OPHN1: variants seen among roughly 807,000 people sequenced by gnomAD.
The protein encoded by OPHN1 is oligophrenin-1.
A neutral mutation model predicts 60.7 loss-of-function variants in OPHN1; 11 were observed. The observed-to-expected ratio is 0.18, with a 90% CI of 0.11 to 0.30. The LOEUF is 0.30. Ranked by LOEUF, OPHN1 falls within the 10% of genes least tolerant of loss-of-function variation. The pLI is 1.00. For synonymous variants in OPHN1, 226 were observed against 222.6 expected, an observed-to-expected ratio of 1.02 and a Z score of -0.14; for missense variants, 449 against 611.0, an observed-to-expected ratio of 0.73 and a Z score of 2.80.
intron 3 of OPHN1, among the ~76,000 whole-genome samples, chrX:68,288,674 G>A (rs184104070): frequency 2.4e-3 from 268 of 111,224 alleles, no homozygotes; most frequent in Middle Eastern, 9.2e-3. Context: ...TGAGGCAGGA[G>A]AATTGCTTGA....
chrX:68,165,946 C>T (rs2077356261), intron 15 of OPHN1, among the ~76,000 whole-genome samples: 1 of 112,066 alleles, frequency 8.9e-6, no homozygotes, highest in South Asian at 3.7e-4. Flanking sequence ...AAGCAATTCA[C>T]TGGAGAAGGG....
At chrX:68,324,355 C>A (rs1021601127) in intron 2 of OPHN1, among the ~76,000 whole-genome samples, 2 of 109,186 alleles carry the variant, frequency 1.8e-5, no homozygotes, top group Non-Finnish European at 3.8e-5. Flanking sequence ...TTAATCCCAG[C>A]AACTTGGGAG....
At chrX:68,410,110 T>C (rs2078762262) in intron 2 of OPHN1, among the ~76,000 whole-genome samples, 2 of 111,927 alleles carry the variant, frequency 1.8e-5, no homozygotes, top group African/African-American at 6.5e-5. Context: ...ACTTTAAAAT[T>C]ATTTATCAAG....
At chrX:68,131,190 TTTTATTTA>T (rs60984024) in intron 15 of OPHN1, among the ~76,000 whole-genome samples, 123 of 98,483 alleles carry the variant, frequency 1.2e-3, no homozygotes, top group African/African-American at 1.9e-3. Flanking sequence ...CAAAGAACAC[TTTTATTTA>T]TTTATTTATT....
At chrX:68,388,967 T>G (rs2078638588) in intron 2 of OPHN1, among the ~76,000 whole-genome samples, 1 of 109,689 alleles carries the variant, frequency 9.1e-6, no homozygotes, top group Admixed American at 9.8e-5. Context: ...AACATTTTTT[T>G]TTTTTTTGAG....
Position 68,211,997 on chromosome X carries a change from T to C in OPHN1, c.702+111A>G, listed in dbSNP as rs990098853. On this transcript the variant is annotated intron_variant, in intron 8 of 24. Coordinates refer to ENST00000355520, the MANE Select transcript of OPHN1 (RefSeq NM_002547.3). ...ATTTGTGATCCACACCAGTATATTC[T>C]AACAAATTGGCTAGGATGCAGTAAC... 6.6e-5 allele frequency: 36 copies of C among 545,320 alleles called. No homozygotes were observed. The South Asian group carries it at 8.9e-4, about 14-fold the overall frequency. 44.9% of individuals were successfully genotyped at this position (545,320 alleles called of 1,213,427 possible). A position where few individuals can be genotyped will look rare whatever the true frequency, so the allele number is the denominator to read the frequency against.
At chrX:68,204,412 T>C (rs1434023041) in intron 10 of OPHN1, among the ~76,000 whole-genome samples, 1 of 111,758 alleles carries the variant, frequency 8.9e-6, no homozygotes, top group Non-Finnish European at 1.9e-5. Context: ...TGACTTCACA[T>C]AGCTGCTAGG....
chrX:68,222,984 C>T, intron 6 of OPHN1, among the ~76,000 whole-genome samples: 1 of 109,581 alleles, frequency 9.1e-6, no homozygotes, highest in Admixed American at 9.7e-5. Flanking sequence ...AAATTAAAAC[C>T]ACAATGAGAT....
intron 2 of OPHN1, among the ~76,000 whole-genome samples, chrX:68,312,296 A>G (rs1038429558): frequency 1.3e-5 from 1 of 77,839 alleles, no homozygotes; most frequent in Admixed American, 1.9e-4. Flanking sequence ...GGTTCCCACT[A>G]TGTTGCCCAG....
intron 5 of OPHN1, among the ~76,000 whole-genome samples, chrX:68,263,461 C>T (rs2077904824): frequency 8.9e-6 from 1 of 111,808 alleles, no homozygotes; most frequent in Non-Finnish European, 1.9e-5. Flanking sequence ...TCATGGAGCA[C>T]TTTCTATCCT....
At chrX:68,085,709 T>C (rs770373687) in intron 19 of OPHN1, among the ~76,000 whole-genome samples, 2 of 112,030 alleles carry the variant, frequency 1.8e-5, no homozygotes, top group South Asian at 3.8e-4. Context: ...CTTAACTCAC[T>C]GTTGGCAGTC....
intron 21 of OPHN1, among the ~76,000 whole-genome samples, chrX:68,062,737 A>G (rs2076897708): frequency 8.9e-6 from 1 of 112,492 alleles, no homozygotes; most frequent in African/African-American, 3.2e-5. Flanking sequence ...TTAAAGCTAC[A>G]AAGTAAAAGA....
intron 2 of OPHN1, among the ~76,000 whole-genome samples, chrX:68,367,302 C>T (rs1442878725): frequency 9.6e-6 from 1 of 104,406 alleles, no homozygotes; most frequent in Non-Finnish European, 1.9e-5. Flanking sequence ...TGCAGTGAAC[C>T]GAGATAGCAC....
Position 68,185,016 on chromosome X carries a change from C to A in OPHN1, c.1276+7903G>T, listed in dbSNP as rs1281944623. 1.2e-4 allele frequency among the ~76,000 whole-genome samples: 13 copies of A among 112,563 alleles called. No individual in the cohort carries two copies. The South Asian group carries it at 4.8e-3, about 41-fold the overall frequency. On this transcript the variant is annotated intron_variant, in intron 15 of 24. Transcript: ENST00000355520. ...ACAGAGAAAAGAAGCTACAATTTCC[C>A]TTTGCCCATTATCATCTACACAGTT...
intron 6 of OPHN1, among the ~76,000 whole-genome samples, chrX:68,217,096 C>A (rs757481240): frequency 5.7e-4 from 64 of 111,838 alleles, no homozygotes; most frequent in African/African-American, 1.9e-3. Context: ...CGAAGCAGGG[C>A]GAGACATTGC....
intron 15 of OPHN1, among the ~76,000 whole-genome samples, chrX:68,158,910 A>G (rs1306832701): frequency 4.5e-5 from 5 of 111,863 alleles, no homozygotes; most frequent in Non-Finnish European, 9.4e-5. Flanking sequence ...CTAGGCCCCA[A>G]TCAGCCCTGC....
chrX:68,195,306 A>C (rs1014195681), intron 12 of OPHN1, among the ~76,000 whole-genome samples: 1 of 111,936 alleles, frequency 8.9e-6, no homozygotes, highest in African/African-American at 3.3e-5. Flanking sequence ...TGGTTGATGA[A>C]TACTTCTCTG....
In OPHN1 at chrX:68,064,107, G is replaced by T. The variant is rs1310743410; in HGVS notation, c.1905C>A (p.His635Gln). The change falls in exon 21 of 25, where the codon CAC becomes CAA. Residue 635 changes from histidine (H) to glutamine (Q), a missense_variant. This residue lies in a region of OPHN1 where 184 missense variants were observed against 160.5 expected (regional missense o/e 1.15). Transcript: ENST00000355520. ...SSIEPPKPPQ[H>Q]PKLPIQRSGE... ...CACTCCTCTGAATAGGTAGTTTGGG[G>T]TGTTGTGGTGGCTTGGGGGGTTCTA... The T allele has an allele frequency of 1.7e-6, 2 of 1,210,622 alleles. No homozygotes were observed. The highest frequency in any genetic ancestry group is 2.2e-6 in the Non-Finnish European group (2 of 894,955).
chrX:68,387,352 T>C (rs1054320436), intron 2 of OPHN1, among the ~76,000 whole-genome samples: 8 of 110,781 alleles, frequency 7.2e-5, no homozygotes, highest in Admixed American at 3.9e-4. Flanking sequence ...CACCATTCTC[T>C]TACTCAGATT....
Sources: allele counts gnomAD v4.1 joint callset (sites outside exome capture counted in the v4.1 genomes callset), GRCh38; gene constraint gnomAD v4.1.1; regional missense constraint gnomAD v4.1.1; transcripts MANE v1.5; gene names NCBI Gene and HGNC (gene_info 2026-07-23, HGNC 2026-07-21).